The following TMEM132C variants were observed in gnomAD, a reference collection of about 807,000 sequenced individuals.
The protein encoded by TMEM132C is transmembrane protein 132C, also known as protein phosphatase 1, regulatory subunit 152.
TMEM132C carries 29 observed loss-of-function variants against 61.4 expected under a neutral mutation model. The observed-to-expected ratio is 0.47, with a 90% confidence interval of 0.35 to 0.64. The LOEUF is 0.64. TMEM132C is among the 30% of genes least tolerant of loss of function. The pLI, the probability that TMEM132C is intolerant of heterozygous loss-of-function variation, is 0.00. For missense variants in TMEM132C, 1,408 were observed against 1,476.9 expected (o/e 0.95, Z 0.76); for synonymous variants, 656 against 633.1 (o/e 1.04, Z -0.54).
At chr12:128,408,422 C>T (rs1324942169) in intron 1 of TMEM132C, among the ~76,000 whole-genome samples, 1 of 152,110 alleles carries the variant, frequency 6.6e-6, no homozygotes, top group Non-Finnish European at 1.5e-5. Context: ...GAATCCTGTG[C>T]CCCGCCCCTT....
chr12:128,303,738 G>A (rs1455706682), intron 1 of TMEM132C, among the ~76,000 whole-genome samples: 2 of 152,150 alleles, frequency 1.3e-5, no homozygotes, highest in African/African-American at 4.8e-5. Context: ...AAAAGGTAGA[G>A]TCTTATTTTT....
At chr12:128,655,722 C>T (rs1954319624) in intron 4 of TMEM132C, among the ~76,000 whole-genome samples, 1 of 152,064 alleles carries the variant, frequency 6.6e-6, no homozygotes, top group Admixed American at 6.6e-5. Context: ...GTGGGATTAC[C>T]ACCACTCCCT....
intron 2 of TMEM132C, among the ~76,000 whole-genome samples, chr12:128,498,999 G>A (rs1872066711): frequency 6.6e-6 from 1 of 152,098 alleles, no homozygotes; most frequent in Admixed American, 6.6e-5. Flanking sequence ...CAAAATCCCA[G>A]CTGCCATTTT....
At chr12:128,525,989 A>G (rs1385824182) in intron 2 of TMEM132C, among the ~76,000 whole-genome samples, 1 of 152,248 alleles carries the variant, frequency 6.6e-6, no homozygotes, top group African/African-American at 2.4e-5. Flanking sequence ...GAAAAGAGAC[A>G]TGAATGCCAC....
intron 5 of TMEM132C, among the ~76,000 whole-genome samples, chr12:128,692,317 C>T (rs1954726477): frequency 1.3e-5 from 2 of 152,232 alleles, no homozygotes; most frequent in Non-Finnish European, 1.5e-5. Context: ...GTCCATTTCA[C>T]TGAGCTCCTG....
chr12:128,365,058 G>A (rs1382268112), intron 1 of TMEM132C, among the ~76,000 whole-genome samples: 1 of 152,198 alleles, frequency 6.6e-6, no homozygotes, highest in African/African-American at 2.4e-5. Flanking sequence ...AGTGATGGAG[G>A]GACTTGGAGA....
At chr12:128,462,828 G>T (rs1222627904) in intron 2 of TMEM132C, among the ~76,000 whole-genome samples, 1 of 152,156 alleles carries the variant, frequency 6.6e-6, no homozygotes, top group Non-Finnish European at 1.5e-5. Context: ...GCCCCAGTGT[G>T]GGTGCAACAG....
Position 128,485,319 on chromosome 12 carries a change from G to A in TMEM132C, c.975-58638G>A, listed in dbSNP as rs897499922. Among the ~76,000 whole-genome samples the A allele has an allele frequency of 3.3e-5, 5 of 152,292 alleles. No homozygotes were observed. In the East Asian group the frequency reaches 9.7e-4, roughly 29 times the overall value. ...AGCCTCCCGAGTAGCTGGGATTGCA[G>A]GCAACTGCCACCACACCCAGCTAAT... On this transcript the variant is annotated intron_variant, in intron 2 of 8. Transcript: ENST00000435159.
chr12:128,697,566 G>A lies in TMEM132C; in HGVS notation c.2121+151G>A, dbSNP rs1041076212. On this transcript the variant is annotated intron_variant, in intron 8 of 8. Coordinates refer to ENST00000435159, the MANE Select transcript of TMEM132C (RefSeq NM_001136103.3). ...ATGTCATTGCAGACAAAGTGCTCAT[G>A]TTACCCACATAGCTTTTGAGCAACA... Among the ~76,000 whole-genome samples, 16 of 152,226 alleles carry A rather than the reference G, an allele frequency of 1.1e-4. 1 individual carries two copies. Among genetic ancestry groups the A allele is most frequent in the Admixed American group, 1.0e-3 (16 of 15,286 alleles).
chr12:128,374,962 A>C (rs1328674484), intron 1 of TMEM132C, among the ~76,000 whole-genome samples: 4 of 117,824 alleles, frequency 3.4e-5, no homozygotes, highest in African/African-American at 1.1e-4. Context: ...AGACAGAAAT[A>C]AAAGACAGCA....
intron 1 of TMEM132C, among the ~76,000 whole-genome samples, chr12:128,276,064 T>C (rs1156671673): frequency 5.3e-5 from 8 of 152,202 alleles, no homozygotes; most frequent in Non-Finnish European, 1.2e-4. Context: ...TAACCCACTG[T>C]AATCCAGGAT....
At chr12:128,427,686 C>T (rs1335254046) in intron 2 of TMEM132C, among the ~76,000 whole-genome samples, 1 of 152,112 alleles carries the variant, frequency 6.6e-6, no homozygotes, top group Non-Finnish European at 1.5e-5. Context: ...TCCTCCATCA[C>T]CTTCCCGTTA....
At chr12:128,617,618 AC>A (rs1000361462) in intron 4 of TMEM132C, among the ~76,000 whole-genome samples, 1 of 151,642 alleles carries the variant, frequency 6.6e-6, no homozygotes, top group Non-Finnish European at 1.5e-5. Context: ...GTCAGGTGGG[AC>A]AGGTGTGGAA....
At chr12:128,475,128 AT>A (rs1871114005) in intron 2 of TMEM132C, among the ~76,000 whole-genome samples, 1 of 152,106 alleles carries the variant, frequency 6.6e-6, no homozygotes, top group Non-Finnish European at 1.5e-5. Context: ...CAGGGACCCC[AT>A]TTCCAGAATT....
intron 2 of TMEM132C, among the ~76,000 whole-genome samples, chr12:128,532,956 C>A (rs139011481): frequency 2.6e-5 from 4 of 152,212 alleles, no homozygotes; most frequent in Non-Finnish European, 5.9e-5. Context: ...CTTTGGAATA[C>A]TGAAAACCCA....
At chr12:128,583,693 G>T (rs1875433018) in intron 3 of TMEM132C, among the ~76,000 whole-genome samples, 1 of 152,208 alleles carries the variant, frequency 6.6e-6, no homozygotes, top group African/African-American at 2.4e-5. Context: ...AACGTGTGCT[G>T]AGTATTCCCG....
At chr12:128,598,112 A>G (rs1207759485) in intron 3 of TMEM132C, among the ~76,000 whole-genome samples, 1 of 152,196 alleles carries the variant, frequency 6.6e-6, no homozygotes, top group East Asian at 1.9e-4. Context: ...TATTAAAACT[A>G]TGTTTTTAAA....
intron 1 of TMEM132C, among the ~76,000 whole-genome samples, chr12:128,335,901 C>G (rs1246471858): frequency 6.6e-6 from 1 of 152,200 alleles, no homozygotes; most frequent in African/African-American, 2.4e-5. Flanking sequence ...CTTTCTCTCT[C>G]ATAATTATTT....
intron 1 of TMEM132C, among the ~76,000 whole-genome samples, chr12:128,369,314 G>A (rs1713612): frequency 0.066 from 10,063 of 152,048 alleles, 1,121 homozygotes; most frequent in African/African-American, 0.23. Context: ...TGTTTTTTTA[G>A]AAACTCATTT....
Sources: gnomAD v4.1 joint callset for allele counts (sites outside exome capture counted in the v4.1 genomes callset) on GRCh38, gnomAD v4.1.1 for gene constraint, MANE v1.5 for transcripts, NCBI Gene and HGNC (gene_info 2026-07-23, HGNC 2026-07-21) for gene names.